The following NMBR variants were observed in gnomAD, a reference collection of about 807,000 sequenced individuals.
NMBR encodes neuromedin-B receptor.
In NMBR, 16 loss-of-function variants were observed where a neutral mutation model predicts 20.5. That is an observed-to-expected ratio of 0.78 (90% CI 0.53 to 1.19). The LOEUF is 1.19. NMBR is among the 50% of genes most tolerant of loss of function. The pLI, the probability that NMBR is intolerant of heterozygous loss-of-function variation, is 0.00. For missense variants in NMBR, 582 were observed against 499.1 expected, an observed-to-expected ratio of 1.17 and a Z score of -1.58; for synonymous variants, 212 against 196.6, an observed-to-expected ratio of 1.08 and a Z score of -0.65.
intron 1 of NMBR, among the ~76,000 whole-genome samples, chr6:142,116,538 C>A (rs1246865489): frequency 6.6e-6 from 1 of 151,962 alleles, no homozygotes; most frequent in Non-Finnish European, 1.5e-5. Flanking sequence ...GTACTGACAT[C>A]TTGACAATCA....
rs41289827 is a variant in NMBR at position 142,075,868 on chromosome 6, C to T, written c.953G>A (p.Cys318Tyr). 4,939 of 1,613,964 alleles carry T rather than the reference C, an allele frequency of 3.1e-3. 14 individuals carry two copies. The highest frequency in any genetic ancestry group is 3.8e-3 in the Non-Finnish European group (4,498 of 1,179,942). The part of the protein sequence containing the change: ...VARVLSFGNS[C>Y]VNPFALYLLS... ...TAGGTAAAGAGCAAATGGGTTGACA[C>T]AAGAATTGCCAAAACTGAGAACCCG... Residue 318 changes from cysteine to tyrosine, a missense_variant, in exon 4 of 4, where the codon TGT becomes TAT. Physicochemically the swap from Cys to Tyr is radical, Grantham distance 194. Transcript: ENST00000258042.
rs1322729657 is a variant in NMBR at position 142,075,010 on chromosome 6, TA to T, written c.*637del. On this transcript the variant is annotated 3_prime_UTR_variant, in exon 4 of 4. Transcript: ENST00000258042. ...ATTATGATTAATCACAGAATCACAATAAATACCAATTTGATTAAGCTCCACC... is the reference window on the plus strand; with the variant it reads ...ATTATGATTAATCACAGAATCACAATAATACCAATTTGATTAAGCTCCACC... Among the ~76,000 whole-genome samples the T allele has an allele frequency of 6.6e-5, 10 of 152,028 alleles. No individual in the cohort carries two copies. Among genetic ancestry groups the T allele is most frequent in the African/African-American group, 2.2e-4 (9 of 41,402 alleles).
intron 2 of NMBR, among the ~76,000 whole-genome samples, chr6:142,086,301 G>T (rs1171344778): frequency 6.6e-6 from 1 of 152,048 alleles, no homozygotes; most frequent in Non-Finnish European, 1.5e-5. Flanking sequence ...TGTGAGGGTT[G>T]AAAAATTACA....
At position 142,079,074 on chromosome 6, in the gene NMBR, GAGAA is replaced by G. The variant is rs1429766379; in HGVS notation, c.423-175_423-172del. ...AAAGAGAGAAAGAGAGAGAGAAAGA[GAGAA>G]AGAAAGAAAGAGAGAAAGAGAGAGA... On this transcript the variant is annotated intron_variant, in intron 2 of 3. Coordinates refer to ENST00000258042, the MANE Select transcript of NMBR (RefSeq NM_002511.4). Among the ~76,000 whole-genome samples, 531 of 122,852 alleles carry G rather than the reference GAGAA, an allele frequency of 4.3e-3. 4 individuals are homozygous for G. Among genetic ancestry groups the G allele is most frequent in the African/African-American group, 0.016 (495 of 30,274 alleles). The allele number at this position is 122,852 out of a possible 152,430, so 80.6% of individuals were successfully genotyped here. A position where few individuals can be genotyped will look rare whatever the true frequency, so the allele number is the denominator to read the frequency against.
At chr6:142,111,972 A>C (rs1293596865) in intron 1 of NMBR, among the ~76,000 whole-genome samples, 1 of 152,210 alleles carries the variant, frequency 6.6e-6, no homozygotes. Context: ...CTTATTCAAA[A>C]TATCTATTTA....
intron 1 of NMBR, among the ~76,000 whole-genome samples, chr6:142,096,065 A>T (rs1777445271): frequency 6.6e-6 from 1 of 152,040 alleles, no homozygotes; most frequent in Admixed American, 6.6e-5. Context: ...TAGTCTTGCT[A>T]GCAGTCTATC....
intron 1 of NMBR, among the ~76,000 whole-genome samples, chr6:142,139,697 G>A (rs1359683353): frequency 6.6e-6 from 1 of 152,152 alleles, no homozygotes; most frequent in East Asian, 1.9e-4. Context: ...GATAAGACGA[G>A]ACAGGTGGTT....
At chr6:142,121,236 C>A (rs1394857485) in intron 1 of NMBR, among the ~76,000 whole-genome samples, 2 of 151,886 alleles carry the variant, frequency 1.3e-5, no homozygotes, top group Non-Finnish European at 2.9e-5. Context: ...CACGTCTCTA[C>A]ATATCCTAGG....
intron 1 of NMBR, among the ~76,000 whole-genome samples, chr6:142,108,948 C>A (rs1470097034): frequency 6.6e-6 from 1 of 152,128 alleles, no homozygotes; most frequent in Non-Finnish European, 1.5e-5. Context: ...AGAGTACCGG[C>A]ATTGGATAAA....
chr6:142,101,847 T>C (rs527322102), intron 1 of NMBR, among the ~76,000 whole-genome samples: 10 of 152,208 alleles, frequency 6.6e-5, no homozygotes, highest in Non-Finnish European at 1.5e-4. Flanking sequence ...ACGTCATTTA[T>C]AGGCTACAGT....
At chr6:142,090,699 T>A (rs1248521406) in intron 1 of NMBR, among the ~76,000 whole-genome samples, 2 of 151,630 alleles carry the variant, frequency 1.3e-5, no homozygotes, top group African/African-American at 2.4e-5. Flanking sequence ...CTAGGAATTT[T>A]ATCTCCAAAG....
At chr6:142,124,491 C>A (rs1777998776) in intron 1 of NMBR, among the ~76,000 whole-genome samples, 2 of 151,770 alleles carry the variant, frequency 1.3e-5, no homozygotes, top group Admixed American at 1.3e-4. Context: ...GATGGAAGAA[C>A]TGAAACTAGC....
At chr6:142,107,023 G>A (rs1416302929) in intron 1 of NMBR, among the ~76,000 whole-genome samples, 2 of 152,178 alleles carry the variant, frequency 1.3e-5, no homozygotes, top group Non-Finnish European at 1.5e-5. Flanking sequence ...AGGTTCATAA[G>A]TGTTCTTGTT....
chr6:142,075,991 A>G lies in NMBR; in HGVS notation c.830T>C (p.Phe277Ser). 1.9e-6 allele frequency: 3 copies of G among 1,611,354 alleles called. No individual in the cohort carries two copies. Among genetic ancestry groups the G allele is most frequent in the Middle Eastern group, 1.7e-4 (1 of 6,038 alleles). Residue 277 changes from phenylalanine to serine, a missense_variant, in exon 4 of 4, where the codon TTC becomes TCC. Physicochemically the swap from Phe to Ser is radical, Grantham distance 155. Coordinates refer to ENST00000258042, the MANE Select transcript of NMBR (RefSeq NM_002511.4). ...IVLVFVGCFI[F>S]CWFPNHILYM... The stretch of plus-strand genomic sequence containing the variant: ...AAGGATGTGGTTTGGAAACCAACAG[A>G]AGATGAAACAGCCCACAAAGACAAG...
intron 1 of NMBR, among the ~76,000 whole-genome samples, chr6:142,102,962 G>A (rs377446137): frequency 6.6e-6 from 1 of 152,218 alleles, no homozygotes; most frequent in East Asian, 1.9e-4. Flanking sequence ...TCTTGGGGAA[G>A]AGCTGTCCAT....
chr6:142,104,871 C>T (rs182691865), intron 1 of NMBR, among the ~76,000 whole-genome samples: 20 of 152,260 alleles, frequency 1.3e-4, no homozygotes, highest in Admixed American at 3.3e-4. Context: ...TGGGTGAAGG[C>T]GGGCTGAGTC....
Position 142,075,890 on chromosome 6 carries a change from C to T in NMBR, c.931G>A (p.Val311Ile), listed in dbSNP as rs1312373299. ...GHMIVTLVAR[V>I]LSFGNSCVNP... is the part of the protein sequence containing the mutation. ...ACACAAGAATTGCCAAAACTGAGAA[C>T]CCGGGCAACTAAGGTGACAATCATG... Residue 311 changes from valine (V) to isoleucine (I), a missense_variant, in exon 4 of 4, where the codon GTT (valine) becomes ATT (isoleucine). Val to Ile is a conservative substitution (Grantham distance 29). Transcript: ENST00000258042. The T allele has an allele frequency of 6.2e-7, 1 of 1,613,980 alleles. No homozygotes were observed. Among genetic ancestry groups the T allele is most frequent in the Non-Finnish European group, 8.5e-7 (1 of 1,179,956 alleles).
At chr6:142,137,338 T>C (rs1315590075) in intron 1 of NMBR, among the ~76,000 whole-genome samples, 1 of 152,182 alleles carries the variant, frequency 6.6e-6, no homozygotes, top group Non-Finnish European at 1.5e-5. Flanking sequence ...TTTTTGTACA[T>C]TGATTTTGTA....
intron 1 of NMBR, among the ~76,000 whole-genome samples, chr6:142,114,015 C>T (rs979846978): frequency 6.6e-6 from 1 of 152,132 alleles, no homozygotes; most frequent in Non-Finnish European, 1.5e-5. Context: ...GTCCATCCCC[C>T]AATCCCCCAG....
Sources: allele counts gnomAD v4.1 joint callset (sites outside exome capture counted in the v4.1 genomes callset), GRCh38; gene constraint gnomAD v4.1.1; transcripts MANE v1.5; gene names NCBI Gene and HGNC (gene_info 2026-07-23, HGNC 2026-07-21).